The following CCDC57 variants were observed in gnomAD, a reference collection of about 807,000 sequenced individuals.
The protein encoded by CCDC57 is coiled-coil domain-containing protein 57.
In CCDC57, 118 loss-of-function variants were observed where a neutral mutation model predicts 118.9. The observed-to-expected ratio is 0.99, with a 90% CI of 0.86 to 1.16. The LOEUF is 1.16. Among genes scored for constraint, CCDC57 ranks in the 50% most tolerant of loss-of-function variants. The pLI is 0.00. For synonymous variants in CCDC57, 527 were observed against 532.9 expected (o/e 0.99, Z 0.15); for missense variants, 1,300 against 1,320.7 (o/e 0.98, Z 0.24).
intron 9 of CCDC57, 119 bp from the exon 9 acceptor site, chr17:82,179,308 C>A (rs1426801601): frequency 7.2e-6 from 8 of 1,118,578 alleles, no homozygotes. Context: ...GCATGGCCTG[C>A]GCTGGGCTGA....
intron 16 of CCDC57, among the ~76,000 whole-genome samples, chr17:82,143,896 C>T (rs1264582505): frequency 6.8e-6 from 1 of 148,040 alleles, no homozygotes; most frequent in Non-Finnish European, 1.5e-5. Flanking sequence ...CTCAGGAGTT[C>T]GAGACCAGCC....
chr17:82,131,072 C>T (rs139516384), intron 17 of CCDC57, among the ~76,000 whole-genome samples: 1,907 of 151,352 alleles, frequency 0.013, 41 homozygotes, highest in African/African-American at 0.044. Flanking sequence ...CTCGGCCTCC[C>T]AAAGTGCTGG....
chr17:82,144,538 T>C (rs533401142), intron 16 of CCDC57, among the ~76,000 whole-genome samples: 1 of 152,290 alleles, frequency 6.6e-6, no homozygotes, highest in Non-Finnish European at 1.5e-5. Context: ...TATAAAGCCT[T>C]GTGTCCGATC....
At chr17:82,173,809 C>A in intron 11 of CCDC57, among the ~76,000 whole-genome samples, 1 of 139,168 alleles carries the variant, frequency 7.2e-6, no homozygotes, top group South Asian at 2.5e-4. Context: ...GGGAGGACAA[C>A]GAGGTGAGGT....
chr17:82,183,090 C>T (rs1018167186), intron 9 of CCDC57, among the ~76,000 whole-genome samples: 1 of 152,182 alleles, frequency 6.6e-6, no homozygotes, highest in Admixed American at 6.5e-5. Context: ...CCTCCCTTGA[C>T]ACATGGGGAT....
At chr17:82,133,689 C>G (rs922918352) in intron 17 of CCDC57, among the ~76,000 whole-genome samples, 7 of 151,830 alleles carry the variant, frequency 4.6e-5, no homozygotes, top group Non-Finnish European at 8.8e-5. Flanking sequence ...GGTAAAACCC[C>G]ATCTCTACTA....
intron 19 of CCDC57, among the ~76,000 whole-genome samples, chr17:82,106,898 G>C (rs2034887730): frequency 6.6e-6 from 1 of 152,236 alleles, no homozygotes; most frequent in African/African-American, 2.4e-5. Context: ...TGCCAGGCCA[G>C]CTTACAGCTC....
intron 19 of CCDC57, among the ~76,000 whole-genome samples, chr17:82,103,582 C>G (rs909121188): frequency 2.6e-5 from 4 of 152,266 alleles, no homozygotes; most frequent in Admixed American, 2.6e-4. Context: ...CACTGTGACC[C>G]TGAGGCATCT....
intron 16 of CCDC57, among the ~76,000 whole-genome samples, chr17:82,149,900 G>A (rs1652538544): frequency 6.7e-6 from 1 of 150,156 alleles, no homozygotes; most frequent in African/African-American, 2.5e-5. Flanking sequence ...CCCAGAACCA[G>A]GCACACACCC....
chr17:82,161,500 C>T (rs1396211699), intron 14 of CCDC57, among the ~76,000 whole-genome samples: 1 of 152,156 alleles, frequency 6.6e-6, no homozygotes, highest in African/African-American at 2.4e-5. Context: ...GCGGAAACAA[C>T]CCAAATGTTG....
rs751624505 is a variant in CCDC57 at position 82,171,857 on chromosome 17, C to A, written c.1730-4G>T. 6.2e-7 allele frequency: 1 copy of A among 1,609,130 alleles called. No individual in the cohort carries two copies. Among genetic ancestry groups the A allele is most frequent in the Non-Finnish European group, 8.5e-7 (1 of 1,176,442 alleles). ...GCTTCAAGGGCCAGAACATAATCTG[C>A]CAAAAAAACCTCCAGTGAATATAAC... is the stretch of plus-strand genomic sequence containing the variant. On this transcript the variant is annotated splice_polypyrimidine_tract_variant and splice_region_variant and intron_variant, in intron 12 of 19. Coordinates refer to ENST00000665763, the Ensembl canonical transcript of CCDC57.
At chr17:82,200,045 C>T (rs2048810227) in intron 3 of CCDC57, among the ~76,000 whole-genome samples, 2 of 152,236 alleles carry the variant, frequency 1.3e-5, no homozygotes, top group Admixed American at 6.5e-5. Context: ...GAGATACTGG[C>T]TGCACAATAC....
chr17:82,148,210 A>G (rs2041153231), intron 16 of CCDC57, among the ~76,000 whole-genome samples: 2 of 53,890 alleles, frequency 3.7e-5, no homozygotes, highest in Non-Finnish European at 8.3e-5. Flanking sequence ...TGGATGGTAG[A>G]TGGATGGATG....
intron 19 of CCDC57, among the ~76,000 whole-genome samples, chr17:82,115,300 G>A (rs1392381970): frequency 1.4e-5 from 2 of 142,742 alleles, no homozygotes; most frequent in Admixed American, 1.4e-4. Flanking sequence ...GAGGGGGCAA[G>A]AGGGGGCAAG....
At chr17:82,136,580 CAAAAAAA>C (rs761497406) in intron 16 of CCDC57, among the ~76,000 whole-genome samples, 4 of 80,822 alleles carry the variant, frequency 4.9e-5, no homozygotes, top group African/African-American at 1.7e-4. Flanking sequence ...TGTATAGTAC[CAAAAAAA>C]AAAAAAAAAA....
chr17:82,171,972 GTCC>G (rs2146264294), intron 12 of CCDC57, 119 bp from the exon 12 acceptor site: 2 of 1,030,994 alleles, frequency 1.9e-6, no homozygotes, highest in Non-Finnish European at 2.9e-6. Flanking sequence ...CACTGTCCCT[GTCC>G]TCCTCACACT....
At chr17:82,199,671 G>C (rs1185967389) in intron 3 of CCDC57, among the ~76,000 whole-genome samples, 1 of 152,122 alleles carries the variant, frequency 6.6e-6, no homozygotes, top group Non-Finnish European at 1.5e-5. Context: ...GGGCAAGTGG[G>C]CCTCAGCTGT....
At chr17:82,181,052 T>C (rs1403183091) in intron 9 of CCDC57, among the ~76,000 whole-genome samples, 2 of 152,178 alleles carry the variant, frequency 1.3e-5, no homozygotes, top group Non-Finnish European at 2.9e-5. Flanking sequence ...CAGAGCACGG[T>C]GGTCTTGCTG....
chr17:82,162,597 G>A (rs8079141), intron 14 of CCDC57, among the ~76,000 whole-genome samples: 59,612 of 134,274 alleles, frequency 0.44, 14,304 homozygotes, highest in East Asian at 0.88. Context: ...CGGGCAGCCC[G>A]CACACACGCC....
Sources: allele counts gnomAD v4.1 joint callset (sites outside exome capture counted in the v4.1 genomes callset), GRCh38; gene constraint gnomAD v4.1.1; transcripts MANE v1.5; gene names NCBI Gene and HGNC (gene_info 2026-07-23, HGNC 2026-07-21).